The following FARSB variants were observed in gnomAD, a reference collection of about 807,000 sequenced individuals.
The protein encoded by FARSB is phenylalanine--tRNA ligase beta subunit.
A neutral mutation model predicts 69.6 loss-of-function variants in FARSB; 40 were observed. The observed-to-expected ratio is 0.57, with a 90% CI of 0.45 to 0.75. The LOEUF (loss-of-function observed/expected upper bound fraction) is 0.75, where lower values mean the gene tolerates loss of function less well. Among genes scored for constraint, FARSB ranks in the 30% least tolerant of loss-of-function variants. The probability of loss-of-function intolerance (pLI) is 0.00; values close to 1 mark genes in which losing one functional copy is unlikely to be tolerated. For synonymous variants in FARSB, 235 were observed against 247.2 expected, an observed-to-expected ratio of 0.95 and a Z score of 0.46; for missense variants, 632 against 722.9, an observed-to-expected ratio of 0.87 and a Z score of 1.44.
At chr2:222,629,404 G>A (rs1025007080) in intron 9 of FARSB, among the ~76,000 whole-genome samples, 1 of 152,098 alleles carries the variant, frequency 6.6e-6, no homozygotes. Context: ...ATATGCTTTG[G>A]AAAAAATACA....
At position 222,633,010 on chromosome 2, in the gene FARSB, A is replaced by G. The variant is rs896474529; in HGVS notation, c.715+189T>C. Reference sequence around the variant, plus strand: ...TTATAAATGTATGAGCATAAGTTACATAAGAATCACCAATAAAATGTTGTT... The same window carrying G: ...TTATAAATGTATGAGCATAAGTTACGTAAGAATCACCAATAAAATGTTGTT... On this transcript the variant is annotated intron_variant, in intron 7 of 16. Coordinates refer to ENST00000281828, the MANE Select transcript of FARSB (RefSeq NM_005687.5). 3.3e-5 allele frequency among the ~76,000 whole-genome samples: 5 copies of G among 152,210 alleles called. No individual in the cohort carries two copies. The East Asian group carries it at 9.6e-4, about 29-fold the overall frequency.
At position 222,571,671 on chromosome 2, in the gene FARSB, A is replaced by C; in HGVS notation, c.*200T>G. 1 of 512,110 alleles carries C rather than the reference A, an allele frequency of 2.0e-6. No homozygotes were observed. The highest frequency in any genetic ancestry group is 2.8e-5 in the South Asian group (1 of 35,796). 31.7% of individuals were successfully genotyped at this position (512,110 alleles called of 1,614,324 possible). A position where few individuals can be genotyped will look rare whatever the true frequency, so the allele number is the denominator to read the frequency against. On this transcript the variant is annotated 3_prime_UTR_variant, in exon 17 of 17. Coordinates refer to ENST00000281828, the MANE Select transcript of FARSB (RefSeq NM_005687.5). ...TTTACCCAACAATGCAGCTTCACAC[A>C]CAGACACCACACTGGTATATGGCAC...
rs114350956 is a variant in FARSB at position 222,616,048 on chromosome 2, A to C, written c.1345-2120T>G. On this transcript the variant is annotated intron_variant, in intron 14 of 16. Transcript: ENST00000281828. Reference sequence around the variant, plus strand: ...CAGAAATACAAAAAATTAAACCTGAATCTGATCAAGCTTCTATATCCAACT... The same window carrying C: ...CAGAAATACAAAAAATTAAACCTGACTCTGATCAAGCTTCTATATCCAACT... Among the ~76,000 whole-genome samples, 388 of 152,322 alleles carry C rather than the reference A, an allele frequency of 2.5e-3. 1 individual carries two copies. The highest frequency in any genetic ancestry group is 4.4e-3 in the Non-Finnish European group (302 of 68,022).
chr2:222,638,119 A>G (rs978096175), intron 5 of FARSB, among the ~76,000 whole-genome samples: 2 of 152,252 alleles, frequency 1.3e-5, no homozygotes, highest in Non-Finnish European at 2.9e-5. Flanking sequence ...AAAGGATAAT[A>G]AAGAAACATT....
At chr2:222,603,833 T>C (rs563948504) in intron 15 of FARSB, among the ~76,000 whole-genome samples, 39 of 151,576 alleles carry the variant, frequency 2.6e-4, no homozygotes, top group African/African-American at 9.2e-4. Flanking sequence ...CTTTCCACTA[T>C]AGGGTACACC....
chr2:222,603,653 ATAT>A (rs1690622772), intron 15 of FARSB, among the ~76,000 whole-genome samples: 1 of 145,732 alleles, frequency 6.9e-6, no homozygotes, highest in Admixed American at 7.0e-5. Flanking sequence ...ACGATTAATT[ATAT>A]TATTATTAAT....
chr2:222,607,626 G>T (rs1283572124), intron 15 of FARSB, among the ~76,000 whole-genome samples: 1 of 150,134 alleles, frequency 6.7e-6, no homozygotes, highest in African/African-American at 2.5e-5. Context: ...TCTAAGAGTA[G>T]GACTAAGGAG....
chr2:222,644,178 C>A (rs1021954493), intron 2 of FARSB, among the ~76,000 whole-genome samples: 2 of 152,118 alleles, frequency 1.3e-5, no homozygotes, highest in Non-Finnish European at 2.9e-5. Context: ...AGAATTATAT[C>A]CACATTTGCA....
intron 16 of FARSB, among the ~76,000 whole-genome samples, chr2:222,574,256 CAGTT>C (rs1404268569): frequency 6.6e-6 from 1 of 152,132 alleles, no homozygotes; most frequent in Non-Finnish European, 1.5e-5. Flanking sequence ...GCTCATTAAT[CAGTT>C]AGGTACTTGA....
intron 10 of FARSB, among the ~76,000 whole-genome samples, chr2:222,627,480 T>A (rs1691309212): frequency 6.6e-6 from 1 of 152,160 alleles, no homozygotes; most frequent in Non-Finnish European, 1.5e-5. Context: ...TGACTACATA[T>A]GGGTAAGCCC....
chr2:222,592,232 G>A (rs1302060173), intron 16 of FARSB, among the ~76,000 whole-genome samples: 1 of 152,102 alleles, frequency 6.6e-6, no homozygotes, highest in Non-Finnish European at 1.5e-5. Flanking sequence ...CATGTGCTCA[G>A]GAGATCACTC....
intron 14 of FARSB, 39 bp from the exon 15 acceptor site, chr2:222,613,967 A>AC (rs749018573): frequency 4.9e-6 from 6 of 1,221,306 alleles, no homozygotes; most frequent in Non-Finnish European, 7.2e-6. Context: ...ACCAAATAGG[A>AC]CCCAAACAAA....
chr2:222,590,258 T>C (rs1419974365), intron 16 of FARSB, among the ~76,000 whole-genome samples: 1 of 151,832 alleles, frequency 6.6e-6, no homozygotes, highest in Non-Finnish European at 1.5e-5. Flanking sequence ...AGCAAACTAT[T>C]GCAAGGACAA....
rs1691666012 is a variant in FARSB at position 222,639,635 on chromosome 2, C to T, written c.400G>A (p.Asp134Asn). The change falls in exon 5 of 17, where the codon GAT (aspartate) becomes AAT (asparagine). Residue 134 changes from aspartate (D) to asparagine (N), a missense_variant. By Grantham distance (23) the Asp-to-Asn change is conservative. Coordinates refer to ENST00000281828, the MANE Select transcript of FARSB (RefSeq NM_005687.5). ...AVLRNIKFTK[D>N]RYDSFIELQE... is the part of the protein sequence containing the mutation. ...AGTTCAATGAAGCTGTCATATCGAT[C>T]TTTAGTAAACTTTATATTACGGAGA... is the stretch of plus-strand genomic sequence containing the variant. 6.3e-7 allele frequency: 1 copy of T among 1,595,434 alleles called. No individual in the cohort carries two copies. Among genetic ancestry groups the T allele is most frequent in the South Asian group, 1.1e-5 (1 of 87,490 alleles).
chr2:222,576,122 G>A (rs1316565252), intron 16 of FARSB, among the ~76,000 whole-genome samples: 4 of 151,952 alleles, frequency 2.6e-5, no homozygotes, highest in Non-Finnish European at 5.9e-5. Flanking sequence ...GAAAACATCA[G>A]AAGGTGTTAT....
chr2:222,586,311 G>A (rs975139410), intron 16 of FARSB, among the ~76,000 whole-genome samples: 3 of 152,218 alleles, frequency 2.0e-5, no homozygotes, highest in Admixed American at 6.5e-5. Context: ...AGCAAATGCT[G>A]AGAGATTTTG....
At chr2:222,573,143 C>T (rs1559185669) in intron 16 of FARSB, among the ~76,000 whole-genome samples, 1 of 152,118 alleles carries the variant, frequency 6.6e-6, no homozygotes, top group Non-Finnish European at 1.5e-5. Context: ...GAACCGGCTA[C>T]TGTCAAGTTA....
intron 15 of FARSB, among the ~76,000 whole-genome samples, chr2:222,613,421 T>G (rs1332413877): frequency 3.9e-5 from 6 of 152,184 alleles, no homozygotes; most frequent in African/African-American, 1.4e-4. Flanking sequence ...GGCACATGCC[T>G]TTAATCCCTG....
At chr2:222,585,057 G>C (rs1240391776) in intron 16 of FARSB, among the ~76,000 whole-genome samples, 1 of 152,212 alleles carries the variant, frequency 6.6e-6, no homozygotes, top group Non-Finnish European at 1.5e-5. Context: ...GTGGGTCCCT[G>C]ACCCCCGAGT....
Sources: gnomAD v4.1 joint callset for allele counts (sites outside exome capture counted in the v4.1 genomes callset) on GRCh38, gnomAD v4.1.1 for gene constraint, MANE v1.5 for transcripts, NCBI Gene and HGNC (gene_info 2026-07-23, HGNC 2026-07-21) for gene names.